The following PRRT3 variants were observed in gnomAD, a reference collection of about 807,000 sequenced individuals.
The protein encoded by PRRT3 is proline-rich transmembrane protein 3.
In PRRT3, 48 loss-of-function variants were observed where a neutral mutation model predicts 56.6. The observed-to-expected ratio is 0.85, with a 90% CI of 0.67 to 1.08. The LOEUF (loss-of-function observed/expected upper bound fraction) is 1.08. Among genes scored for constraint, PRRT3 ranks in the 50% least tolerant of loss-of-function variants. The probability of loss-of-function intolerance (pLI) is 0.00; values close to 1 mark genes in which losing one functional copy is unlikely to be tolerated. For missense variants in PRRT3, 1,370 were observed against 1,353.1 expected, an observed-to-expected ratio of 1.01 and a Z score of -0.20; for synonymous variants, 641 against 619.1, an observed-to-expected ratio of 1.04 and a Z score of -0.52.
rs1309678562 is a variant in PRRT3, at chr3:9,948,908, C to T, written c.1021G>A (p.Ala341Thr). ...APDRPSKPERAAMNGADPISP... is the reference protein window; with the variant it reads ...APDRPSKPERTAMNGADPISP... Reference sequence around the variant, plus strand: ...ATGGGGTCTGCTCCATTCATTGCTGCTCTCTCTGAAATGACAAAGCAGTCA... The same window carrying T: ...ATGGGGTCTGCTCCATTCATTGCTGTTCTCTCTGAAATGACAAAGCAGTCA... The change falls in exon 3 of 4, where the codon GCA becomes ACA. Residue 341 changes from alanine to threonine, a missense_variant. Transcript: ENST00000412055. 1.9e-6 allele frequency: 3 copies of T among 1,574,548 alleles called. No individual in the cohort carries two copies. The African/African-American group carries it at 4.1e-5, about 22-fold the overall frequency.
In PRRT3 at chr3:9,946,944, AACGTTGCTGG is replaced by A; in HGVS notation, c.2219_2228del (p.Pro740LeufsTer57). ...TGCTGATGTCCAAGCTGCCTGCACC[AACGTTGCTGG>A]GCCCTGCATAGCAGTTATTGGGTCG... On this transcript the variant is annotated frameshift_variant, in exon 4 of 4. Transcript: ENST00000412055. LOFTEE classifies it high-confidence loss of function. This position sits in a 1 kb window ranked among gnomAD's most constrained non-coding sequence, Gnocchi z 4.1. 1.3e-6 allele frequency: 2 copies of A among 1,542,188 alleles called. No individual in the cohort carries two copies. Among genetic ancestry groups the A allele is most frequent in the Non-Finnish European group, 1.7e-6 (2 of 1,149,078 alleles).
chr3:9,946,687 C>T lies in PRRT3; in HGVS notation c.2486G>A (p.Ser829Asn). The T allele has an allele frequency of 6.9e-7, 1 of 1,441,036 alleles. No individual in the cohort carries two copies. Among genetic ancestry groups the T allele is most frequent in the Non-Finnish European group, 9.0e-7 (1 of 1,106,450 alleles). The allele number at this position is 1,441,036 out of a possible 1,614,324, so 89.3% of individuals were successfully genotyped here. ...GCGGAGGCCGCAGCGCTGGAACACACTGTCTCGCACTAGGTGCTCGCGGAA... is the reference window on the plus strand; with the variant it reads ...GCGGAGGCCGCAGCGCTGGAACACATTGTCTCGCACTAGGTGCTCGCGGAA... ...ALFREHLVRD[S>N]VFQRCGLRGL... The change falls in exon 4 of 4, where the codon AGT becomes AAT. Residue 829 changes from serine (S) to asparagine (N), a missense_variant. Physicochemically the swap from Ser to Asn is conservative, Grantham distance 46. Transcript: ENST00000412055. The surrounding 1 kb of genome is among the most constrained non-coding windows in gnomAD (Gnocchi z 4.1).
chr3:9,948,503 A>T (rs1011805064), intron 3 of PRRT3: 23 of 509,078 alleles, frequency 4.5e-5, no homozygotes, highest in African/African-American at 1.6e-4. Flanking sequence ...ATTTTTATAT[A>T]TTTTTTTTGT....
At chr3:9,948,968 C>T in intron 2 of PRRT3, 55 bp from the exon 3 acceptor site, 3 of 1,523,418 alleles carry the variant, frequency 2.0e-6, no homozygotes, top group South Asian at 2.6e-5. Flanking sequence ...TCCTCCTAAT[C>T]CCTCAGGATT....
At chr3:9,951,919 G>A (rs905902346) in intron 1 of PRRT3, among the ~76,000 whole-genome samples, 5 of 152,340 alleles carry the variant, frequency 3.3e-5, no homozygotes, top group African/African-American at 9.6e-5. Context: ...ACGGCTGAAT[G>A]GGGCCTCCAA....
rs1368161604 is a variant in PRRT3, at chr3:9,949,345, TG to T, written c.770del (p.Pro257GlnfsTer87). On this transcript the variant is annotated frameshift_variant, in exon 2 of 4. Coordinates refer to ENST00000412055, the MANE Select transcript of PRRT3 (RefSeq NM_207351.5). LOFTEE classifies it high-confidence loss of function. This position sits in a 1 kb window ranked among gnomAD's most constrained non-coding sequence, Gnocchi z 4.5. ...PAAPDVGSVP[P>X]VEVVYSQEPG... ...GCTCCTGAGAGTACACCACCTCAAC[TG>T]GGGGTACTGAGCCAACATCAGGGGC... 1.2e-6 allele frequency: 2 copies of T among 1,613,966 alleles called. No individual in the cohort carries two copies. Among genetic ancestry groups the T allele is most frequent in the Non-Finnish European group, 1.7e-6 (2 of 1,180,022 alleles).
chr3:9,946,235 C>T lies in PRRT3; in HGVS notation c.2938G>A (p.Glu980Lys). ...ESRSASSDTI[E>K]L ...TGCGTCAGGACCGCTCTTCAAAGCT[C>T]GATGGTATCACTGGAGGCGCTGCGG... Residue 980 changes from glutamate to lysine, a missense_variant, in exon 4 of 4, where the codon GAG becomes AAG. Transcript: ENST00000412055. This position sits in a 1 kb window ranked among gnomAD's most constrained non-coding sequence, Gnocchi z 4.1. 6.2e-7 allele frequency: 1 copy of T among 1,612,054 alleles called. No homozygotes were observed. The highest frequency in any genetic ancestry group is 8.5e-7 in the Non-Finnish European group (1 of 1,179,618).
rs569295912 is a variant in PRRT3, at chr3:9,948,872, G to A, written c.1057C>T (p.Arg353Trp). The part of the protein sequence containing the change: ...MNGADPISPQ[R>W]VRGAVEAPGT... ...GGGGCCTCCACAGCTCCTCTCACCC[G>A]CTGGGGGGAGATGGGGTCTGCTCCA... Residue 353 changes from arginine (R) to tryptophan (W), a missense_variant, in exon 3 of 4, where the codon CGG becomes TGG. Transcript: ENST00000412055. 28 of 1,605,332 alleles carry A rather than the reference G, an allele frequency of 1.7e-5. No homozygotes were observed. Among genetic ancestry groups the A allele is most frequent in the Middle Eastern group, 1.7e-4 (1 of 5,990 alleles).
At position 9,949,768 on chromosome 3, in the gene PRRT3, G is replaced by T; in HGVS notation, c.348C>A (p.Leu116=). 6.2e-7 allele frequency: 1 copy of T among 1,614,170 alleles called. No homozygotes were observed. The highest frequency in any genetic ancestry group is 8.5e-7 in the Non-Finnish European group (1 of 1,180,028). ...QRERLPVTDD[L]QMAQGPSSHG... ...GGGAGCTTGGTCCTTGAGCCATCTG[G>T]AGGTCATCAGTTACTGGGAGTCGTT... The change falls in exon 2 of 4, where the codon CTC becomes CTA. Residue 116 remains leucine (L), a synonymous_variant. Transcript: ENST00000412055. The surrounding 1 kb of genome is among the most constrained non-coding windows in gnomAD (Gnocchi z 4.5).
In PRRT3 at chr3:9,949,456, C is replaced by A. The variant is rs759008976; in HGVS notation, c.660G>T (p.Arg220Ser). The A allele has an allele frequency of 2.5e-6, 4 of 1,614,126 alleles. No individual in the cohort carries two copies. Among genetic ancestry groups the A allele is most frequent in the Non-Finnish European group, 3.4e-6 (4 of 1,180,008 alleles). ...TLVSHSGTVK[R>S]PVLEGQGGFE... ...ACCCACCCTGTCCTTCCAGCACTGGCCTCTTGACAGTACCTGAGTGGGAAA... is the reference window on the plus strand; with the variant it reads ...ACCCACCCTGTCCTTCCAGCACTGGACTCTTGACAGTACCTGAGTGGGAAA... The change falls in exon 2 of 4, where the codon AGG becomes AGT. Residue 220 changes from arginine to serine, a missense_variant. By Grantham distance (110) the Arg-to-Ser change is moderately radical (BLOSUM62 -1). Transcript: ENST00000412055. This position sits in a 1 kb window ranked among gnomAD's most constrained non-coding sequence, Gnocchi z 4.5.
In PRRT3 at chr3:9,947,535, G is replaced by C; in HGVS notation, c.1638C>G (p.Pro546=). 1 of 1,611,542 alleles carries C rather than the reference G, an allele frequency of 6.2e-7. No homozygotes were observed. Among genetic ancestry groups the C allele is most frequent in the Non-Finnish European group, 8.5e-7 (1 of 1,179,442 alleles). ...GGLVLYNLPF[P]LLLTALAALT... ...GGGCTGCCAGCGCCGTAAGCAGCAAGGGGAAGGGCAGGTTGTAGAGCACCA... is the reference window on the plus strand; with the variant it reads ...GGGCTGCCAGCGCCGTAAGCAGCAACGGGAAGGGCAGGTTGTAGAGCACCA... The change falls in exon 4 of 4, where the codon CCC becomes CCG. Residue 546 remains proline (P), a synonymous_variant. Transcript: ENST00000412055. The surrounding 1 kb of genome is among the most constrained non-coding windows in gnomAD (Gnocchi z 9.2).
At position 9,946,370 on chromosome 3, in the gene PRRT3, G is replaced by A. The variant is rs1312215350; in HGVS notation, c.2803C>T (p.Pro935Ser). ...SVDSLPLDEL[P>S]STVQLLPAPT... ...GCAGGCAGTAGCTGTACCGTGCTGG[G>A]CAACTCATCTAGGGGCAGACTGTCC... Residue 935 changes from proline (P) to serine (S), a missense_variant, in exon 4 of 4, where the codon CCC becomes TCC. Transcript: ENST00000412055. This position sits in a 1 kb window ranked among gnomAD's most constrained non-coding sequence, Gnocchi z 4.1. 2 of 1,609,960 alleles carry A rather than the reference G, an allele frequency of 1.2e-6. No homozygotes were observed. Among genetic ancestry groups the A allele is most frequent in the East Asian group, 4.5e-5 (2 of 44,692 alleles).
Position 9,946,106 on chromosome 3 carries a change from G to T in PRRT3, c.*121C>A, listed in dbSNP as rs2085512343. On this transcript the variant is annotated 3_prime_UTR_variant, in exon 4 of 4. Transcript: ENST00000412055. This position sits in a 1 kb window ranked among gnomAD's most constrained non-coding sequence, Gnocchi z 4.1. ...CCACCTCGGCCTCCCAAAGTGCTGG[G>T]ATTCCTGGCGTGAGCCACCGCGCCT... 7.1e-7 allele frequency: 1 copy of T among 1,416,184 alleles called. No individual in the cohort carries two copies. The allele number at this position is 1,416,184 out of a possible 1,614,324, so 87.7% of individuals were successfully genotyped here. A position where few individuals can be genotyped will look rare whatever the true frequency, so the allele number is the denominator to read the frequency against.
chr3:9,948,438 C>T (rs1575661410), intron 3 of PRRT3: 2 of 436,348 alleles, frequency 4.6e-6, no homozygotes. Flanking sequence ...AGTGATCTCC[C>T]ACCTCAGCCT....
chr3:9,946,281 C>T lies in PRRT3; in HGVS notation c.2892G>A (p.Pro964=), dbSNP rs1401983906. Residue 964 remains proline, a synonymous_variant, in exon 4 of 4, where the codon CCG becomes CCA. Coordinates refer to ENST00000412055, the MANE Select transcript of PRRT3 (RefSeq NM_207351.5). The surrounding 1 kb of genome is among the most constrained non-coding windows in gnomAD (Gnocchi z 4.1). ...RQGDGQGEVQ[P]RGKPGESRSA... is the part of the protein sequence containing the mutation. ...TGCGGGATTCCCCAGGCTTGCCGCGCGGCTGGACCTCTCCCTGGCCGTCCC... is the reference window on the plus strand; with the variant it reads ...TGCGGGATTCCCCAGGCTTGCCGCGTGGCTGGACCTCTCCCTGGCCGTCCC... 1.2e-5 allele frequency: 19 copies of T among 1,612,652 alleles called. No individual in the cohort carries two copies. The highest frequency in any genetic ancestry group is 1.5e-5 in the Non-Finnish European group (18 of 1,179,828).
chr3:9,947,218 C>T lies in PRRT3; in HGVS notation c.1955G>A (p.Gly652Asp). The part of the protein sequence containing the change: ...VAGALGLLAS[G>D]LQLAAALWLY... ...CCAGAGCGCAGCCGCCAGCTGCAAG[C>T]CGCTAGCCAGCAGCCCCAGCGCGCC... Residue 652 changes from glycine (G) to aspartate (D), a missense_variant, in exon 4 of 4, where the codon GGC becomes GAC. Gly to Asp is a moderately conservative substitution (Grantham distance 94). Transcript: ENST00000412055. The surrounding 1 kb of genome is among the most constrained non-coding windows in gnomAD (Gnocchi z 9.2). 2 of 1,510,412 alleles carry T rather than the reference C, an allele frequency of 1.3e-6. No homozygotes were observed. Among genetic ancestry groups the T allele is most frequent in the Admixed American group, 2.1e-5 (1 of 47,464 alleles). The allele number at this position is 1,510,412 out of a possible 1,614,324, so 93.6% of individuals were successfully genotyped here. A position where few individuals can be genotyped will look rare whatever the true frequency, so the allele number is the denominator to read the frequency against.
rs781721597 is a variant in PRRT3 at position 9,946,590 on chromosome 3, G to A, written c.2583C>T (p.Asp861=). The A allele has an allele frequency of 1.3e-5, 18 of 1,401,820 alleles. No homozygotes were observed. In the Admixed American group the frequency reaches 6.3e-4, roughly 49 times the overall value. 86.8% of individuals were successfully genotyped at this position (1,401,820 alleles called of 1,614,324 possible). The part of the protein sequence containing the change: ...RRGSHPKAEL[D]DAGSSLLRGR... ...CGCGGAGGAGCGAGGAGCCAGCGTCGTCGAGCTCGGCTTTGGGATGGCTGC... is the reference window on the plus strand; with the variant it reads ...CGCGGAGGAGCGAGGAGCCAGCGTCATCGAGCTCGGCTTTGGGATGGCTGC... The change falls in exon 4 of 4, where the codon GAC becomes GAT. Residue 861 remains aspartate, a synonymous_variant. Transcript: ENST00000412055. This position sits in a 1 kb window ranked among gnomAD's most constrained non-coding sequence, Gnocchi z 4.1.
Position 9,948,741 on chromosome 3 carries a change from C to T in PRRT3, c.1171+17G>A, listed in dbSNP as rs1470255047. On this transcript the variant is annotated intron_variant, in intron 3 of 3. Transcript: ENST00000412055. Reference sequence around the variant, plus strand: ...GACAGAGCACTCCCTCTCCCCACACCCCAGCCATGCTCTCACCTGGCTGCA... The same window carrying T: ...GACAGAGCACTCCCTCTCCCCACACTCCAGCCATGCTCTCACCTGGCTGCA... The T allele has an allele frequency of 6.2e-7, 1 of 1,613,882 alleles. No homozygotes were observed. The highest frequency in any genetic ancestry group is 1.1e-5 in the South Asian group (1 of 91,092).
At position 9,945,988 on chromosome 3, in the gene PRRT3, C is replaced by G; in HGVS notation, c.*239G>C. ...AGCTGGGACTACAGGCGTGTGCCAC[C>G]TGGCTAATTTTTTTGTATTTTTAGT... On this transcript the variant is annotated 3_prime_UTR_variant, in exon 4 of 4. Coordinates refer to ENST00000412055, the MANE Select transcript of PRRT3 (RefSeq NM_207351.5). 1.9e-6 allele frequency: 1 copy of G among 519,064 alleles called. No homozygotes were observed. 32.2% of individuals were successfully genotyped at this position (519,064 alleles called of 1,614,324 possible).
Sources: allele counts gnomAD v4.1 joint callset (sites outside exome capture counted in the v4.1 genomes callset), GRCh38; gene constraint gnomAD v4.1.1; non-coding constraint Gnocchi (gnomAD v3.1); transcripts MANE v1.5; gene names NCBI Gene and HGNC (gene_info 2026-07-23, HGNC 2026-07-21).